SLC9A8: variants seen among roughly 807,000 people sequenced by gnomAD.
SLC9A8 encodes the protein solute carrier family 9 member A8.
A neutral mutation model predicts 66.6 loss-of-function variants in SLC9A8; 48 were observed. The ratio of observed to expected loss-of-function variants is 0.72; its 90% CI spans 0.57 to 0.92. The LOEUF is 0.92. SLC9A8 is among the 40% of genes least tolerant of loss of function. The pLI is 0.00. For missense variants in SLC9A8, 599 were observed against 747.3 expected, an observed-to-expected ratio of 0.80 and a Z score of 2.31; for synonymous variants, 274 against 282.6, an observed-to-expected ratio of 0.97 and a Z score of 0.31.
intron 13 of SLC9A8, among the ~76,000 whole-genome samples, chr20:49,883,295 A>C (rs2089699581): frequency 6.6e-6 from 1 of 151,982 alleles, no homozygotes; most frequent in Admixed American, 6.6e-5. Flanking sequence ...AGGGGCCTCC[A>C]CAGGGACAGC....
At chr20:49,860,288 T>G (rs1030683769) in intron 8 of SLC9A8, among the ~76,000 whole-genome samples, 2 of 152,234 alleles carry the variant, frequency 1.3e-5, no homozygotes, top group Non-Finnish European at 1.5e-5. Context: ...AGCTTTCACG[T>G]GAAGAAAGTT....
intron 12 of SLC9A8, among the ~76,000 whole-genome samples, chr20:49,878,949 G>A (rs73613336): frequency 6.6e-6 from 1 of 152,058 alleles, no homozygotes; most frequent in Non-Finnish European, 1.5e-5. Flanking sequence ...CCCGGGAGGC[G>A]GAGGTTGCAG....
At chr20:49,833,202 C>T (rs1208227023) in intron 3 of SLC9A8, among the ~76,000 whole-genome samples, 5 of 152,196 alleles carry the variant, frequency 3.3e-5, no homozygotes, top group Non-Finnish European at 5.9e-5. Context: ...CCATGCCTAG[C>T]GTGTCCTTCC....
chr20:49,838,459 C>T (rs1329681045), intron 3 of SLC9A8, among the ~76,000 whole-genome samples: 1 of 152,192 alleles, frequency 6.6e-6, no homozygotes, highest in African/African-American at 2.4e-5. Flanking sequence ...TGGGTCCTTC[C>T]TCTTTTTCAA....
In SLC9A8 at chr20:49,874,805, C is replaced by G. The variant is rs746966966; in HGVS notation, c.1059C>G (p.Thr353=). ...TCCTCATGCAGCAGACCCTCCGCACCGTGGCCTTCTTATGTGGTGAGTTCT... is the reference window on the plus strand; with the variant it reads ...TCCTCATGCAGCAGACCCTCCGCACGGTGGCCTTCTTATGTGGTGAGTTCT... The part of the protein sequence containing the change: ...TQILMQQTLR[T]VAFLCETCVF... Residue 353 remains threonine, a synonymous_variant, in exon 11 of 16, where the codon ACC becomes ACG. Transcript: ENST00000361573. 2.5e-6 allele frequency: 4 copies of G among 1,612,054 alleles called. No homozygotes were observed. The highest frequency in any genetic ancestry group is 3.3e-4 in the Middle Eastern group (2 of 6,058).
chr20:49,816,348 A>T (rs1248791079), intron 2 of SLC9A8, among the ~76,000 whole-genome samples: 3 of 151,992 alleles, frequency 2.0e-5, no homozygotes, highest in African/African-American at 7.2e-5. Context: ...TGAACCTGGG[A>T]GGCGGAGGCT....
At chr20:49,870,894 C>G (rs2089184880) in intron 10 of SLC9A8, among the ~76,000 whole-genome samples, 1 of 152,080 alleles carries the variant, frequency 6.6e-6, no homozygotes, top group South Asian at 2.1e-4. Flanking sequence ...TAGAGCCAGT[C>G]TCACTCTGTT....
intron 5 of SLC9A8, 88 bp from the exon 6 acceptor site, chr20:49,849,491 T>A: frequency 1.0e-6 from 1 of 995,168 alleles, no homozygotes. Flanking sequence ...GAATCAAGTC[T>A]GCACGGAGGG....
rs112144705 is a variant in SLC9A8, at chr20:49,823,648, A to G, written c.289+507A>G. Among the ~76,000 whole-genome samples, 1,420 of 152,218 alleles carry G rather than the reference A, an allele frequency of 9.3e-3. 30 individuals are homozygous for G. Among genetic ancestry groups the G allele is most frequent in the African/African-American group, 0.031 (1,273 of 41,538 alleles). On this transcript the variant is annotated intron_variant, in intron 3 of 15. Coordinates refer to ENST00000361573, the MANE Select transcript of SLC9A8 (RefSeq NM_015266.3). ...CATTTCTGTTTTGTTTCCTGTGCCAATTAACTGTTGAGATCTAGTTGCAGT... is the reference window on the plus strand; with the variant it reads ...CATTTCTGTTTTGTTTCCTGTGCCAGTTAACTGTTGAGATCTAGTTGCAGT...
Position 49,862,364 on chromosome 20 carries a change from C to T in SLC9A8, c.714-565C>T, listed in dbSNP as rs1466365074. Among the ~76,000 whole-genome samples the T allele has an allele frequency of 4.6e-5, 7 of 152,062 alleles. No individual in the cohort carries two copies. The South Asian group carries it at 6.2e-4, about 14-fold the overall frequency. On this transcript the variant is annotated intron_variant, in intron 8 of 15. Coordinates refer to ENST00000361573, the MANE Select transcript of SLC9A8 (RefSeq NM_015266.3). The stretch of plus-strand genomic sequence containing the variant: ...GCAACCTCTGCCTCCTGGGTTCAAG[C>T]GATTCTCCTGCCTCAGCCTCCCGAG...
chr20:49,831,772 C>T (rs946507252), intron 3 of SLC9A8, among the ~76,000 whole-genome samples: 9 of 152,196 alleles, frequency 5.9e-5, no homozygotes, highest in South Asian at 2.1e-4. Flanking sequence ...ACTCCTTAGA[C>T]GCCTTTGTGA....
chr20:49,851,583 C>A (rs1276343106), intron 7 of SLC9A8, among the ~76,000 whole-genome samples: 2 of 152,152 alleles, frequency 1.3e-5, no homozygotes, highest in Non-Finnish European at 2.9e-5. Flanking sequence ...AGATCCTTGC[C>A]ATGGGGCCAG....
chr20:49,885,862 C>T (rs1261233677), intron 14 of SLC9A8, among the ~76,000 whole-genome samples: 1 of 152,194 alleles, frequency 6.6e-6, no homozygotes, highest in Non-Finnish European at 1.5e-5. Context: ...ATCAGCAGTC[C>T]TCAAAATGGG....
chr20:49,834,179 C>G (rs867981212), intron 3 of SLC9A8, among the ~76,000 whole-genome samples: 1 of 54,670 alleles, frequency 1.8e-5, no homozygotes, highest in East Asian at 7.2e-4. Flanking sequence ...CTCTCTCTCT[C>G]TCTCTCTATA....
intron 15 of SLC9A8, among the ~76,000 whole-genome samples, chr20:49,887,389 T>C (rs1477067253): frequency 2.6e-5 from 4 of 152,208 alleles, no homozygotes; most frequent in Non-Finnish European, 2.9e-5. Context: ...GCTGCCGGTG[T>C]GTGCGCTCTT....
At chr20:49,872,595 T>C (rs1408483085) in intron 10 of SLC9A8, among the ~76,000 whole-genome samples, 2 of 152,108 alleles carry the variant, frequency 1.3e-5, no homozygotes, top group Non-Finnish European at 2.9e-5. Context: ...TAAGCAGTTC[T>C]CTGCCTCAGC....
Position 49,874,835 on chromosome 20 carries a change from C to G in SLC9A8, c.1075+14C>G. The G allele has an allele frequency of 1.3e-6, 2 of 1,562,650 alleles. No individual in the cohort carries two copies. The highest frequency in any genetic ancestry group is 1.8e-6 in the Non-Finnish European group (2 of 1,133,078). The stretch of plus-strand genomic sequence containing the variant: ...CCTTCTTATGTGGTGAGTTCTGCTT[C>G]TGTGTGGCCGTGAGCAGGCCCACCC... On this transcript the variant is annotated intron_variant, in intron 11 of 15. Transcript: ENST00000361573.
chr20:49,858,044 AT>A (rs1357151101), intron 8 of SLC9A8, among the ~76,000 whole-genome samples: 2 of 152,240 alleles, frequency 1.3e-5, no homozygotes, highest in African/African-American at 4.8e-5. Context: ...AGAGATAATT[AT>A]GGTTGATAAT....
At chr20:49,867,558 C>G (rs1420245009) in intron 10 of SLC9A8, among the ~76,000 whole-genome samples, 1 of 152,176 alleles carries the variant, frequency 6.6e-6, no homozygotes, top group Non-Finnish European at 1.5e-5. Context: ...GTCAAAGACT[C>G]AAGGGGACTT....
Sources: gnomAD v4.1 joint callset for allele counts (sites outside exome capture counted in the v4.1 genomes callset) on GRCh38, gnomAD v4.1.1 for gene constraint, MANE v1.5 for transcripts, NCBI Gene and HGNC (gene_info 2026-07-23, HGNC 2026-07-21) for gene names.